The following PCF11 variants were observed in gnomAD, a reference collection of about 807,000 sequenced individuals.
PCF11 encodes PCF11 cleavage and polyadenylation factor subunit.
Under a neutral mutation model 166.1 loss-of-function variants are expected in PCF11, and 19 were observed. That is an observed-to-expected ratio of 0.11 (90% CI 0.08 to 0.17). The LOEUF is 0.17. PCF11 is among the 10% of genes least tolerant of loss of function. The pLI is 1.00. For synonymous variants in PCF11, 663 were observed against 644.1 expected (o/e 1.03, Z -0.44); for missense variants, 1,565 against 1,855.5 (o/e 0.84, Z 2.88).
chr11:83,173,463 AC>A (rs1860759204), intron 9 of PCF11, among the ~76,000 whole-genome samples: 1 of 151,110 alleles, frequency 6.6e-6, no homozygotes, highest in African/African-American at 2.4e-5. Flanking sequence ...CAGAAAAAAA[AC>A]CAAAAACCAA....
intron 9 of PCF11, among the ~76,000 whole-genome samples, chr11:83,173,733 T>C (rs1590932744): frequency 7.9e-6 from 1 of 126,950 alleles, no homozygotes; most frequent in East Asian, 2.2e-4. Context: ...TTTTTTTTTT[T>C]TTTTTTTTTT....
chr11:83,175,474 G>A (rs772170921), intron 9 of PCF11, among the ~76,000 whole-genome samples: 12 of 152,010 alleles, frequency 7.9e-5, no homozygotes, highest in East Asian at 3.9e-4. Flanking sequence ...AATTATGGCC[G>A]GGCACTGTAG....
chr11:83,166,117 A>T (rs1860443884), exon 5 of PCF11: 1 of 1,610,972 alleles, frequency 6.2e-7, no homozygotes, highest in South Asian at 1.1e-5. Flanking sequence ...TTAAAAAAAC[A>T]TCTTCAGGAT....
Position 83,184,805 on chromosome 11 carries a change from C to T in PCF11, c.4579C>T (p.Arg1527Ter), listed in dbSNP as rs1861218971. 1 of 1,606,554 alleles carries T rather than the reference C, an allele frequency of 6.2e-7. No individual in the cohort carries two copies. The highest frequency in any genetic ancestry group is 1.3e-5 in the African/African-American group (1 of 74,402). The change falls in exon 16 of 16, where the codon CGA becomes TGA. Residue 1527 changes from arginine (R) to a stop codon, truncating the protein, a stop_gained. Transcript: ENST00000298281. LOFTEE classifies it high-confidence loss of function. ...TGACAGTCCCAAAGTTAAGGAAGAACGAATTGATACACCACCAGCTTGTAC... is the reference window on the plus strand; with the variant it reads ...TGACAGTCCCAAAGTTAAGGAAGAATGAATTGATACACCACCAGCTTGTAC...
intron 11 of PCF11, among the ~76,000 whole-genome samples, chr11:83,179,932 G>A (rs1475442583): frequency 1.3e-5 from 2 of 151,882 alleles, no homozygotes; most frequent in African/African-American, 4.8e-5. Flanking sequence ...AAAAAAACGG[G>A]CGGGGGGTGG....
At chr11:83,169,677 A>C in exon 8 of PCF11, 1 of 1,614,010 alleles carries the variant, frequency 6.2e-7, no homozygotes, top group Non-Finnish European at 8.5e-7. Flanking sequence ...TTCAAGGCAC[A>C]AGATTTGACA....
exon 1 of PCF11, chr11:83,157,303 C>A: frequency 1.4e-6 from 1 of 728,568 alleles, no homozygotes; most frequent in Non-Finnish European, 2.2e-6. Flanking sequence ...TCCCCCATCC[C>A]CCCTCCGCGG....
intron 1 of PCF11, chr11:83,158,187 G>A (rs1860071382): frequency 6.6e-6 from 1 of 152,664 alleles, no homozygotes; most frequent in South Asian, 2.0e-4. Flanking sequence ...CGAAAGGGAA[G>A]AGAGGAGAAT....
rs367891768 is a variant in PCF11, at chr11:83,166,425, A to C, written c.1528A>C (p.Met510Leu). 26 of 1,613,886 alleles carry C rather than the reference A, an allele frequency of 1.6e-5. No homozygotes were observed. The African/African-American group carries it at 3.5e-4, about 22-fold the overall frequency. The change falls in exon 5 of 16, where the codon ATG (methionine) becomes CTG (leucine). Residue 510 changes from methionine to leucine, a missense_variant. Physicochemically the swap from Met to Leu is conservative, Grantham distance 15. Transcript: ENST00000298281. Reference sequence around the variant, plus strand: ...GTCACCCAAACGAAGGCAAAGAAGTATGTCTCCAACATCGACACCTAAAGC... The same window carrying C: ...GTCACCCAAACGAAGGCAAAGAAGTCTGTCTCCAACATCGACACCTAAAGC...
rs562132684 is a variant in PCF11 at position 83,183,281 on chromosome 11, C to T, written c.4452+208C>T. ...ATATGAATATCATTTTCTGTGATAACGCAAACAATTAAAATTTTGAAATTT... is the reference window on the plus strand; with the variant it reads ...ATATGAATATCATTTTCTGTGATAATGCAAACAATTAAAATTTTGAAATTT... On this transcript the variant is annotated intron_variant, in intron 15 of 15. Transcript: ENST00000298281. Among the ~76,000 whole-genome samples, 15 of 152,086 alleles carry T rather than the reference C, an allele frequency of 9.9e-5. 1 individual carries two copies. Among genetic ancestry groups the T allele is most frequent in the South Asian group, 4.1e-4 (2 of 4,820 alleles).
exon 5 of PCF11, chr11:83,165,860 A>G: frequency 6.2e-7 from 1 of 1,607,542 alleles, no homozygotes; most frequent in Non-Finnish European, 8.5e-7. Context: ...TAATGAACAC[A>G]TTAAACCAGT....
At chr11:83,169,386 C>A (rs1422028124) in exon 8 of PCF11, 40 of 1,613,414 alleles carry the variant, frequency 2.5e-5, no homozygotes, top group Non-Finnish European at 3.0e-5. Context: ...CAGGAGGTGG[C>A]CTGAGAATTG....
chr11:83,184,361 C>G (rs1168718204), intron 15 of PCF11: 2 of 224,248 alleles, frequency 8.9e-6, no homozygotes, highest in East Asian at 2.9e-4. Flanking sequence ...GTAACAAGTC[C>G]CAGGATATAT....
intron 1 of PCF11, among the ~76,000 whole-genome samples, chr11:83,160,939 G>C (rs1860225292): frequency 6.6e-6 from 1 of 152,184 alleles, no homozygotes; most frequent in East Asian, 1.9e-4. Context: ...AAACTGCTTT[G>C]AGTGTAGGCA....
At chr11:83,158,706 C>A (rs1860107089) in intron 1 of PCF11, 1 of 152,192 alleles carries the variant, frequency 6.6e-6, no homozygotes, top group African/African-American at 2.4e-5. Flanking sequence ...TCAGGATGAG[C>A]CTCCTTTTAG....
chr11:83,183,607 C>T (rs1170897327), intron 15 of PCF11, among the ~76,000 whole-genome samples: 1 of 152,046 alleles, frequency 6.6e-6, no homozygotes, highest in Non-Finnish European at 1.5e-5. Flanking sequence ...TCTCCTGCCC[C>T]TGCTTCCCAA....
chr11:83,181,372 A>AT (rs1383623230), intron 12 of PCF11, among the ~76,000 whole-genome samples, 181 bp downstream of exon 12: 2 of 151,404 alleles, frequency 1.3e-5, no homozygotes, highest in Admixed American at 6.6e-5. Flanking sequence ...ATATAAACAG[A>AT]TTTTTTAAAA....
At chr11:83,164,714 CA>C (rs897532681) in intron 4 of PCF11, among the ~76,000 whole-genome samples, 269 of 137,916 alleles carry the variant, frequency 2.0e-3, no homozygotes, top group Admixed American at 2.2e-3. Flanking sequence ...GAGGCCCTAC[CA>C]AAAAAAAAAA....
intron 1 of PCF11, among the ~76,000 whole-genome samples, chr11:83,159,238 G>A (rs143348122): frequency 3.3e-5 from 5 of 151,916 alleles, no homozygotes; most frequent in Admixed American, 1.3e-4. Context: ...GGAAGCATTC[G>A]TCATACTCAA....
Sources: allele counts gnomAD v4.1 joint callset (sites outside exome capture counted in the v4.1 genomes callset), GRCh38; gene constraint gnomAD v4.1.1; transcripts MANE v1.5; gene names NCBI Gene and HGNC (gene_info 2026-07-23, HGNC 2026-07-21).